ABCB5: variants seen among roughly 807,000 people sequenced by gnomAD.
ABCB5 encodes the protein ATP binding cassette subfamily B member 5, also known as ATP-binding cassette sub-family B member 5.
Under a neutral mutation model 144.2 loss-of-function variants are expected in ABCB5, and 155 were observed. The ratio of observed to expected loss-of-function variants is 1.08; its 90% CI spans 0.94 to 1.23. The LOEUF is 1.23. ABCB5 is among the 50% of genes most tolerant of loss of function. The pLI, the probability that ABCB5 is intolerant of heterozygous loss-of-function variation, is 0.00. For synonymous variants in ABCB5, 610 were observed against 528.6 expected (o/e 1.15, Z -2.11); for missense variants, 1,830 against 1,520.8 (o/e 1.20, Z -3.38).
At chr7:20,680,175 C>A (rs1395792334) in intron 14 of ABCB5, among the ~76,000 whole-genome samples, 1 of 152,114 alleles carries the variant, frequency 6.6e-6, no homozygotes, top group African/African-American at 2.4e-5. Flanking sequence ...ATACAATGCA[C>A]AATCTCATTT....
chr7:20,672,843 T>C (rs1785492344), intron 14 of ABCB5, among the ~76,000 whole-genome samples: 1 of 152,202 alleles, frequency 6.6e-6, no homozygotes, highest in Non-Finnish European at 1.5e-5. Flanking sequence ...TTCATATATG[T>C]GTGAGTTGTT....
intron 15 of ABCB5, among the ~76,000 whole-genome samples, chr7:20,683,732 C>G (rs1371843321): frequency 6.6e-6 from 1 of 152,088 alleles, no homozygotes; most frequent in Non-Finnish European, 1.5e-5. Context: ...GTATAATATT[C>G]TAAGCATGGT....
At chr7:20,702,099 G>C (rs1786648033) in intron 19 of ABCB5, among the ~76,000 whole-genome samples, 1 of 152,136 alleles carries the variant, frequency 6.6e-6, no homozygotes. Flanking sequence ...GTGTGTGTAG[G>C]TATAAAATCC....
rs1022293707 is a variant in ABCB5, at chr7:20,685,678, A to C, written c.1870-18A>C. On this transcript the variant is annotated intron_variant, in intron 15 of 27. Coordinates refer to ENST00000404938, the MANE Select transcript of ABCB5 (RefSeq NM_001163941.2). ...TAAGGCATTCTTATAATGATAACCT[A>C]TATATTCTTCCTGTAAGGATATTAA... 1.3e-6 allele frequency: 2 copies of C among 1,583,668 alleles called. No individual in the cohort carries two copies. Among genetic ancestry groups the C allele is most frequent in the Non-Finnish European group, 1.7e-6 (2 of 1,163,144 alleles).
intron 23 of ABCB5, among the ~76,000 whole-genome samples, chr7:20,738,395 C>A (rs1782456857): frequency 6.6e-6 from 1 of 152,138 alleles, no homozygotes. Context: ...AGATCATAAT[C>A]AATAACAAAC....
intron 12 of ABCB5, among the ~76,000 whole-genome samples, chr7:20,650,494 G>C (rs1386904205): frequency 6.6e-6 from 1 of 152,008 alleles, no homozygotes; most frequent in Non-Finnish European, 1.5e-5. Context: ...ATTAACATCT[G>C]TACCCAGTAC....
chr7:20,731,937 G>A (rs1782236350), intron 23 of ABCB5, among the ~76,000 whole-genome samples: 1 of 152,092 alleles, frequency 6.6e-6, no homozygotes, highest in Non-Finnish European at 1.5e-5. Flanking sequence ...TCTCCACACT[G>A]CAGCCAGACT....
At chr7:20,676,284 A>G (rs965120323) in intron 14 of ABCB5, among the ~76,000 whole-genome samples, 11 of 150,400 alleles carry the variant, frequency 7.3e-5, no homozygotes, top group Admixed American at 2.6e-4. Flanking sequence ...TATCTCGAAG[A>G]GGTATATACA....
intron 23 of ABCB5, among the ~76,000 whole-genome samples, chr7:20,731,355 G>GA (rs869149519): frequency 0.022 from 2,838 of 127,844 alleles, 68 homozygotes; most frequent in African/African-American, 0.054. Flanking sequence ...TCCAACTCAG[G>GA]AAAAAAAAAA....
At chr7:20,727,461 G>A (rs951252878) in intron 22 of ABCB5, among the ~76,000 whole-genome samples, 3 of 152,256 alleles carry the variant, frequency 2.0e-5, no homozygotes, top group South Asian at 2.1e-4. Flanking sequence ...CGGGCAGGGC[G>A]CTGTGTCTCA....
At chr7:20,626,139 G>A (rs1414818100) in intron 2 of ABCB5, among the ~76,000 whole-genome samples, 6 of 152,140 alleles carry the variant, frequency 3.9e-5, no homozygotes, top group African/African-American at 7.2e-5. Context: ...ATAGAACCGC[G>A]GTTGCCAGGG....
At position 20,698,493 on chromosome 7, in the gene ABCB5, T is replaced by A. The variant is rs760188248; in HGVS notation, c.2097T>A (p.Ser699=). Residue 699 remains serine, a synonymous_variant, in exon 17 of 28, where the codon TCT becomes TCA. Transcript: ENST00000404938. The part of the protein sequence containing the change: ...WPFVVLGTLA[S]VLNGTVHPVF... ...TTGTGGTTCTGGGGACATTGGCTTC[T>A]GTTCTAAATGGAACTGTTCATCCAG... 6 of 1,605,820 alleles carry A rather than the reference T, an allele frequency of 3.7e-6. No homozygotes were observed. In the Admixed American group the frequency reaches 1.0e-4, roughly 28 times the overall value.
Position 20,648,098 on chromosome 7 carries a change from G to A in ABCB5, c.1206+20G>A, listed in dbSNP as rs369970820. ...ATCAAGGTAGGTTAAAACAAATTAC[G>A]CAATTGTGCAGTTTTCTGATATTAT... On this transcript the variant is annotated intron_variant, in intron 11 of 27. Transcript: ENST00000404938. 51 of 1,404,814 alleles carry A rather than the reference G, an allele frequency of 3.6e-5. No homozygotes were observed. The highest frequency in any genetic ancestry group is 2.5e-4 in the East Asian group (11 of 43,764). 87.0% of individuals were successfully genotyped at this position (1,404,814 alleles called of 1,614,324 possible).
chr7:20,750,726 G>A (rs73685712), intron 26 of ABCB5, among the ~76,000 whole-genome samples: 11,658 of 152,060 alleles, frequency 0.077, 1,456 homozygotes, highest in African/African-American at 0.27. Context: ...CAACGGTTTC[G>A]GTAAGGGAGT....
intron 26 of ABCB5, among the ~76,000 whole-genome samples, chr7:20,745,864 C>T (rs1782703200): frequency 6.6e-6 from 1 of 152,192 alleles, no homozygotes; most frequent in Admixed American, 6.5e-5. Flanking sequence ...TCATGGCTCC[C>T]CTGTGCGCTT....
rs1172285058 is a variant in ABCB5, at chr7:20,726,358, C to CTTTTTTTTTTTTTT, written c.2626-671_2626-658dup. ...TATGTGATTACTTTATCTCTGCTAT[C>CTTTTTTTTTTTTTT]TTTTTTTTTTTTTTTTTTTTTTTTG... is the stretch of plus-strand genomic sequence containing the variant. On this transcript the variant is annotated intron_variant, in intron 21 of 27. Coordinates refer to ENST00000404938, the MANE Select transcript of ABCB5 (RefSeq NM_001163941.2). 1.8e-4 allele frequency among the ~76,000 whole-genome samples: 14 copies of CTTTTTTTTTTTTTT among 78,418 alleles called. 2 individuals are homozygous for CTTTTTTTTTTTTTT. Among genetic ancestry groups the CTTTTTTTTTTTTTT allele is most frequent in the African/African-American group, 4.2e-4 (8 of 19,008 alleles). 51.4% of individuals were successfully genotyped at this position (78,418 alleles called of 152,430 possible). A position where few individuals can be genotyped will look rare whatever the true frequency, so the allele number is the denominator to read the frequency against.
At chr7:20,731,575 G>A (rs1194782699) in intron 23 of ABCB5, among the ~76,000 whole-genome samples, 1 of 151,782 alleles carries the variant, frequency 6.6e-6, no homozygotes, top group Non-Finnish European at 1.5e-5. Context: ...CTGAGCACAA[G>A]ACCCTTATCC....
intron 19 of ABCB5, among the ~76,000 whole-genome samples, chr7:20,703,370 C>T (rs896021835): frequency 9.9e-5 from 15 of 152,168 alleles, no homozygotes; most frequent in African/African-American, 3.6e-4. Context: ...TGGCTACTGT[C>T]CGGTGCAGAC....
At chr7:20,625,806 C>A in intron 2 of ABCB5, among the ~76,000 whole-genome samples, 1 of 152,116 alleles carries the variant, frequency 6.6e-6, no homozygotes, top group East Asian at 1.9e-4. Flanking sequence ...GGTATATACT[C>A]AAAAGAATTA....
Sources: allele counts gnomAD v4.1 joint callset (sites outside exome capture counted in the v4.1 genomes callset), GRCh38; gene constraint gnomAD v4.1.1; transcripts MANE v1.5; gene names NCBI Gene and HGNC (gene_info 2026-07-23, HGNC 2026-07-21).